ELFN2: variants seen among roughly 807,000 people sequenced by gnomAD.
ELFN2 encodes extracellular leucine rich repeat and fibronectin type III domain containing 2.
ELFN2 carries 17 observed loss-of-function variants against 45.5 expected under a neutral mutation model. That is an observed-to-expected ratio of 0.37 (90% CI 0.26 to 0.56). The LOEUF is 0.56. Ranked by LOEUF, ELFN2 falls within the 20% of genes least tolerant of loss-of-function variation. The probability of loss-of-function intolerance (pLI) is 0.77; values close to 1 mark genes in which losing one functional copy is unlikely to be tolerated. For missense variants in ELFN2, 922 were observed against 1,183.2 expected (o/e 0.78, Z 3.24); for synonymous variants, 550 against 551.5 (o/e 1.00, Z 0.04).
At chr22:37,394,630 C>T (rs865787892) in intron 2 of ELFN2, among the ~76,000 whole-genome samples, 28 of 152,342 alleles carry the variant, frequency 1.8e-4, no homozygotes, top group African/African-American at 4.6e-4. Flanking sequence ...AGAGCGATCC[C>T]GCAGCTTAAA....
chr22:37,413,439 G>A (rs916319), intron 2 of ELFN2, among the ~76,000 whole-genome samples: 41,499 of 151,604 alleles, frequency 0.27, 6,569 homozygotes, highest in Non-Finnish European at 0.35. Context: ...GTATGTGCCT[G>A]TAGTCCCAGC....
chr22:37,372,991 C>A lies in ELFN2; in HGVS notation c.*81G>T. On this transcript the variant is annotated 3_prime_UTR_variant, in exon 3 of 3. Transcript: ENST00000402918. This position sits in a 1 kb window ranked among gnomAD's most constrained non-coding sequence, Gnocchi z 4.4. Reference sequence around the variant, plus strand: ...CTGGGCCTTGGCCCCCGAGTCTGCTCCCCGCCCTGGCCGCCTGGACCCTTC... The same window carrying A: ...CTGGGCCTTGGCCCCCGAGTCTGCTACCCGCCCTGGCCGCCTGGACCCTTC... 1.3e-6 allele frequency: 2 copies of A among 1,483,270 alleles called. No individual in the cohort carries two copies. Among genetic ancestry groups the A allele is most frequent in the Non-Finnish European group, 1.8e-6 (2 of 1,116,874 alleles). The allele number at this position is 1,483,270 out of a possible 1,614,324, so 91.9% of individuals were successfully genotyped here.
Position 37,375,603 on chromosome 22 carries a change from C to T in ELFN2, c.-69G>A, listed in dbSNP as rs1931557043. 1.4e-6 allele frequency: 2 copies of T among 1,459,322 alleles called. No homozygotes were observed. The highest frequency in any genetic ancestry group is 9.1e-7 in the Non-Finnish European group (1 of 1,102,902). 90.4% of individuals were successfully genotyped at this position (1,459,322 alleles called of 1,614,324 possible). ...CCTAGCGGCCAGAGGCTGGGGCTGG[C>T]AGTACAGTCCTCCCTGGGGCCGCCA... is the stretch of plus-strand genomic sequence containing the variant. On this transcript the variant is annotated 5_prime_UTR_variant, in exon 3 of 3. Coordinates refer to ENST00000402918, the MANE Select transcript of ELFN2 (RefSeq NM_052906.5).
chr22:37,379,750 T>C (rs1931695282), intron 2 of ELFN2, among the ~76,000 whole-genome samples: 1 of 152,158 alleles, frequency 6.6e-6, no homozygotes, highest in African/African-American at 2.4e-5. Context: ...AGTTCAGAGC[T>C]GGGCAGGACC....
rs746725384 is a variant in ELFN2 at position 37,374,052 on chromosome 22, T to C, written c.1483A>G (p.Lys495Glu). 3.1e-6 allele frequency: 5 copies of C among 1,613,204 alleles called. No individual in the cohort carries two copies. Among genetic ancestry groups the C allele is most frequent in the Non-Finnish European group, 4.2e-6 (5 of 1,180,006 alleles). ...KGLEAGLDTPKVATKGNYIEV... is the reference protein window; with the variant it reads ...KGLEAGLDTPEVATKGNYIEV... ...ATATAGTTGCCTTTGGTGGCTACCT[T>C]GGGTGTGTCCAGCCCGGCCTCCAAC... The change falls in exon 3 of 3, where the codon AAG (lysine) becomes GAG (glutamate). Residue 495 changes from lysine (K) to glutamate (E), a missense_variant. This residue lies in a region of ELFN2 where 564 missense variants were observed against 642.8 expected (regional missense o/e 0.88). Coordinates refer to ENST00000402918, the MANE Select transcript of ELFN2 (RefSeq NM_052906.5).
At chr22:37,349,839 G>C (rs986788040) in intron 1 of ELFN2, among the ~76,000 whole-genome samples, 1 of 151,180 alleles carries the variant, frequency 6.6e-6, no homozygotes, top group Non-Finnish European at 1.5e-5. Flanking sequence ...ACTTGTGTCA[G>C]AGAGAGCAAC....
intron 1 of ELFN2, among the ~76,000 whole-genome samples, chr22:37,355,523 A>G (rs967792522): frequency 2.6e-5 from 4 of 152,190 alleles, no homozygotes; most frequent in African/African-American, 9.7e-5. Flanking sequence ...CTCATTGTCA[A>G]GTCCCTTCTC....
At chr22:37,384,332 T>C (rs567054326) in intron 2 of ELFN2, among the ~76,000 whole-genome samples, 17 of 149,932 alleles carry the variant, frequency 1.1e-4, no homozygotes, top group Non-Finnish European at 2.5e-4. Flanking sequence ...GATAGGATTG[T>C]CCCACAGCCA....
chr22:37,362,220 C>CCTTCT (rs1931105489), intron 1 of ELFN2, among the ~76,000 whole-genome samples: 1 of 152,206 alleles, frequency 6.6e-6, no homozygotes, highest in Non-Finnish European at 1.5e-5. Context: ...CAGAGCAGAC[C>CCTTCT]CTTCTCACAT....
chr22:37,361,854 A>C (rs917386179), intron 1 of ELFN2, among the ~76,000 whole-genome samples: 2 of 152,194 alleles, frequency 1.3e-5, no homozygotes, highest in African/African-American at 4.8e-5. Flanking sequence ...GCCTATGGAA[A>C]GTCAAGCCCC....
chr22:37,401,157 A>G (rs1291002134), intron 2 of ELFN2, among the ~76,000 whole-genome samples: 1 of 152,218 alleles, frequency 6.6e-6, no homozygotes, highest in African/African-American at 2.4e-5. Context: ...AGGAAGGGTC[A>G]CCTAGCTCTC....
At chr22:37,396,016 C>T (rs901327429) in intron 2 of ELFN2, among the ~76,000 whole-genome samples, 2 of 152,182 alleles carry the variant, frequency 1.3e-5, no homozygotes, top group African/African-American at 4.8e-5. Flanking sequence ...GACCCGCTAC[C>T]ACCGGAGGGC....
At chr22:37,412,305 A>AAAG (rs1569143325) in intron 2 of ELFN2, among the ~76,000 whole-genome samples, 7 of 151,162 alleles carry the variant, frequency 4.6e-5, no homozygotes, top group African/African-American at 1.7e-4. Context: ...AGAAAGAAAG[A>AAAG]AAAGGAAAAA....
intron 2 of ELFN2, among the ~76,000 whole-genome samples, chr22:37,400,966 C>G (rs1207461880): frequency 6.6e-6 from 1 of 152,258 alleles, no homozygotes; most frequent in Non-Finnish European, 1.5e-5. Context: ...TTCTCAAGTC[C>G]TGGCTCTGTG....
intron 2 of ELFN2, among the ~76,000 whole-genome samples, chr22:37,401,545 C>T (rs1438507099): frequency 1.3e-5 from 2 of 152,312 alleles, no homozygotes; most frequent in African/African-American, 4.8e-5. Context: ...GAGGCCGCAG[C>T]CAGGGTAGGC....
At chr22:37,361,470 C>A (rs534540475) in intron 1 of ELFN2, among the ~76,000 whole-genome samples, 6 of 152,126 alleles carry the variant, frequency 3.9e-5, no homozygotes, top group African/African-American at 1.4e-4. Flanking sequence ...CCTCCCCAGT[C>A]CCCGCAGGGT....
intron 1 of ELFN2, among the ~76,000 whole-genome samples, chr22:37,424,681 G>GT (rs1491253505): frequency 1.4e-5 from 1 of 71,080 alleles, no homozygotes; most frequent in Non-Finnish European, 3.7e-5. Context: ...TGAGGGCGGC[G>GT]GGGGGGGGGA....
intron 1 of ELFN2, among the ~76,000 whole-genome samples, chr22:37,350,772 C>T (rs754995165): frequency 3.3e-5 from 5 of 150,192 alleles, no homozygotes; most frequent in East Asian, 1.9e-4. Flanking sequence ...CGAGAGGGGC[C>T]GCTGGGAGGC....
chr22:37,403,768 C>T (rs946989043), intron 2 of ELFN2, among the ~76,000 whole-genome samples: 2 of 152,272 alleles, frequency 1.3e-5, no homozygotes, highest in Non-Finnish European at 2.9e-5. Context: ...AGCCAGCCAT[C>T]GGCGGTGCCC....
Sources: gnomAD v4.1 joint callset for allele counts (sites outside exome capture counted in the v4.1 genomes callset) on GRCh38, gnomAD v4.1.1 for gene constraint, gnomAD v4.1.1 regional missense constraint, Gnocchi (gnomAD v3.1) non-coding constraint, MANE v1.5 for transcripts, NCBI Gene and HGNC (gene_info 2026-07-23, HGNC 2026-07-21) for gene names.